CFAP54: variants seen among roughly 807,000 people sequenced by gnomAD.
The protein encoded by CFAP54 is cilia- and flagella-associated protein 54.
CFAP54 carries 290 observed loss-of-function variants against 370.4 expected under a neutral mutation model. That is an observed-to-expected ratio of 0.78 (90% CI 0.71 to 0.86). The LOEUF is 0.86. CFAP54 is among the 40% of genes least tolerant of loss of function. The pLI, the probability that CFAP54 is intolerant of heterozygous loss-of-function variation, is 0.00. For missense variants in CFAP54, 3,399 were observed against 3,528.7 expected (o/e 0.96, Z 0.93); for synonymous variants, 1,206 against 1,236.5 (o/e 0.98, Z 0.52).
intron 66 of CFAP54, among the ~76,000 whole-genome samples, chr12:96,860,119 A>C (rs578101853): frequency 6.8e-6 from 1 of 147,262 alleles, no homozygotes; most frequent in East Asian, 2.0e-4. Flanking sequence ...GAAATTAATA[A>C]AAACTTGTTC....
chr12:96,721,750 T>C (rs1417094806), intron 50 of CFAP54, among the ~76,000 whole-genome samples: 1 of 152,216 alleles, frequency 6.6e-6, no homozygotes, highest in East Asian at 1.9e-4. Flanking sequence ...AATACTCATA[T>C]ATACAGTCTA....
At chr12:96,841,046 G>T (rs1032977587) in intron 66 of CFAP54, among the ~76,000 whole-genome samples, 2 of 152,204 alleles carry the variant, frequency 1.3e-5, no homozygotes, top group African/African-American at 4.8e-5. Flanking sequence ...CCTTCATCAA[G>T]GAACCTGAAG....
Position 96,552,557 on chromosome 12 carries a change from C to G in CFAP54, c.2155-1625C>G, listed in dbSNP as rs184128997. The stretch of plus-strand genomic sequence containing the variant: ...ACACGGTTTCACGGTTTTGGCCAGG[C>G]TGGTCTTGAACTCCTGACCTCAGGT... On this transcript the variant is annotated intron_variant, in intron 15 of 67. Coordinates refer to ENST00000524981, the MANE Select transcript of CFAP54 (RefSeq NM_001306084.2). Among the ~76,000 whole-genome samples, 46 of 152,214 alleles carry G rather than the reference C, an allele frequency of 3.0e-4. No individual in the cohort carries two copies. In the East Asian group the frequency reaches 7.6e-3, roughly 25 times the overall value.
chr12:96,791,842 T>A (rs1958699069), intron 62 of CFAP54, among the ~76,000 whole-genome samples: 1 of 149,720 alleles, frequency 6.7e-6, no homozygotes, highest in Admixed American at 6.7e-5. Context: ...TTCTGAAGCA[T>A]TTTTTTTTCT....
chr12:96,864,263 G>A (rs950746539), intron 67 of CFAP54, among the ~76,000 whole-genome samples: 5 of 152,096 alleles, frequency 3.3e-5, no homozygotes, highest in Admixed American at 1.3e-4. Context: ...GAGAAGAAGG[G>A]GAACAGACAC....
chr12:96,551,485 A>ATGTGTGTG (rs10582056), intron 15 of CFAP54, among the ~76,000 whole-genome samples: 2,851 of 143,816 alleles, frequency 0.02, 60 homozygotes, highest in African/African-American at 0.053. Context: ...TTGAATGGGT[A>ATGTGTGTG]TGTGTGTGTG....
At chr12:96,603,520 A>T (rs187288143) in intron 26 of CFAP54, among the ~76,000 whole-genome samples, 1 of 152,286 alleles carries the variant, frequency 6.6e-6, no homozygotes, top group Non-Finnish European at 1.5e-5. Context: ...TAGGTTGGGG[A>T]AATTCTCCTG....
chr12:96,874,628 T>A (rs907401582), intron 67 of CFAP54, among the ~76,000 whole-genome samples: 1 of 12,980 alleles, frequency 7.7e-5, no homozygotes, highest in South Asian at 2.7e-3. Flanking sequence ...TTTATTTTTA[T>A]TTTATTTTTT....
rs937207023 is a variant in CFAP54 at position 96,597,825 on chromosome 12, GTATTTA to G, written c.3517-810_3517-805del. 1.4e-4 allele frequency among the ~76,000 whole-genome samples: 21 copies of G among 151,938 alleles called. 1 individual carries two copies. Among genetic ancestry groups the G allele is most frequent in the Admixed American group, 9.8e-4 (15 of 15,232 alleles). The stretch of plus-strand genomic sequence containing the variant: ...ACATTATGTTTTTATACACATGTAT[GTATTTA>G]TATTTATATGAGCTTCGGGAAAACT... On this transcript the variant is annotated intron_variant, in intron 25 of 67. Transcript: ENST00000524981.
chr12:96,583,670 G>A (rs1372249876), intron 22 of CFAP54, among the ~76,000 whole-genome samples: 1 of 152,122 alleles, frequency 6.6e-6, no homozygotes, highest in Non-Finnish European at 1.5e-5. Context: ...TCCCTAAAAG[G>A]GTGTCTCAGG....
At chr12:96,527,064 T>G (rs1169139745) in intron 8 of CFAP54, among the ~76,000 whole-genome samples, 182 bp from the exon 9 acceptor site, 1 of 151,854 alleles carries the variant, frequency 6.6e-6, no homozygotes, top group East Asian at 1.9e-4. Flanking sequence ...CCTGGCCAAT[T>G]CTGAAATTTT....
chr12:96,593,665 AGTTTCTT>A (rs1387642226), intron 24 of CFAP54, among the ~76,000 whole-genome samples: 29 of 152,112 alleles, frequency 1.9e-4, no homozygotes, highest in African/African-American at 6.3e-4. Context: ...CCACTCAGAC[AGTTTCTT>A]TATACATAAT....
chr12:96,635,280 T>G (rs1956652279), intron 32 of CFAP54, among the ~76,000 whole-genome samples: 1 of 152,250 alleles, frequency 6.6e-6, no homozygotes, highest in Admixed American at 6.5e-5. Context: ...TCTTCCATTT[T>G]TTATTTTCTA....
intron 32 of CFAP54, among the ~76,000 whole-genome samples, chr12:96,643,035 C>T (rs1007738535): frequency 1.3e-5 from 2 of 152,062 alleles, no homozygotes; most frequent in Admixed American, 6.6e-5. Flanking sequence ...AAGATGCAAC[C>T]GATTGTTGAC....
chr12:96,552,504 C>T (rs780071663), intron 15 of CFAP54, among the ~76,000 whole-genome samples: 2 of 151,942 alleles, frequency 1.3e-5, no homozygotes, highest in East Asian at 2.0e-4. Context: ...CCATCATGCC[C>T]GGCTAATTTT....
intron 28 of CFAP54, among the ~76,000 whole-genome samples, chr12:96,624,417 T>C (rs926780012): frequency 3.3e-5 from 5 of 152,194 alleles, no homozygotes; most frequent in African/African-American, 1.2e-4. Flanking sequence ...GTGTAAGTGG[T>C]TTGAACCAAT....
chr12:96,632,759 A>G (rs890211715), intron 32 of CFAP54, among the ~76,000 whole-genome samples: 16 of 152,082 alleles, frequency 1.1e-4, no homozygotes, highest in Non-Finnish European at 2.2e-4. Flanking sequence ...GATTAATACA[A>G]AAAACTCTAT....
chr12:96,511,166 C>T (rs980198777), intron 4 of CFAP54, among the ~76,000 whole-genome samples: 3 of 151,966 alleles, frequency 2.0e-5, no homozygotes, highest in Non-Finnish European at 4.4e-5. Flanking sequence ...CAATTGCATT[C>T]TCTATGAAAT....
At chr12:96,843,371 C>A (rs926736044) in intron 66 of CFAP54, among the ~76,000 whole-genome samples, 2 of 152,166 alleles carry the variant, frequency 1.3e-5, no homozygotes, top group Admixed American at 6.5e-5. Context: ...AATACCATTT[C>A]TTGCTATAAC....
Sources: allele counts gnomAD v4.1 joint callset (sites outside exome capture counted in the v4.1 genomes callset), GRCh38; gene constraint gnomAD v4.1.1; transcripts MANE v1.5; gene names NCBI Gene and HGNC (gene_info 2026-07-23, HGNC 2026-07-21).